Variants in COL4A6 observed in about 807,000 individuals in gnomAD.
COL4A6 encodes the protein collagen type IV alpha 6 chain, also known as collagen alpha-6(IV) chain.
COL4A6 carries 59 observed loss-of-function variants against 126.7 expected under a neutral mutation model. The observed-to-expected ratio is 0.47, with a 90% confidence interval of 0.38 to 0.58. The LOEUF (loss-of-function observed/expected upper bound fraction) is 0.58, where lower values mean the gene tolerates loss of function less well. Among genes scored for constraint, COL4A6 ranks in the 20% least tolerant of loss-of-function variants. The pLI is 0.00. For synonymous variants in COL4A6, 547 were observed against 496.6 expected (o/e 1.10, Z -1.35); for missense variants, 1,285 against 1,337.3 (o/e 0.96, Z 0.61).
chrX:108,195,010 GT>G, intron 15 of COL4A6, 71 bp downstream of exon 15: 1 of 839,382 alleles, frequency 1.2e-6, no homozygotes, highest in Non-Finnish European at 1.7e-6. Context: ...CTTTGGCCAT[GT>G]TAGGTAAAGC....
chrX:108,408,315 C>T (rs1247759477), intron 2 of COL4A6, among the ~76,000 whole-genome samples: 3 of 99,701 alleles, frequency 3.0e-5, no homozygotes, highest in Non-Finnish European at 4.0e-5. Flanking sequence ...AAAGCAAGAC[C>T]TTGTTTCAGA....
intron 3 of COL4A6, among the ~76,000 whole-genome samples, chrX:108,293,155 A>G (rs1010141194): frequency 1.8e-5 from 2 of 110,494 alleles, no homozygotes; most frequent in African/African-American, 6.6e-5. Flanking sequence ...GTATTATTAC[A>G]GTATAATGGT....
chrX:108,384,439 C>A (rs768167970), intron 2 of COL4A6, among the ~76,000 whole-genome samples: 1 of 112,454 alleles, frequency 8.9e-6, no homozygotes, highest in Non-Finnish European at 1.9e-5. Flanking sequence ...ACTGTTTTAT[C>A]TCAAACAATG....
intron 8 of COL4A6, 112 bp from the exon 9 acceptor site, chrX:108,206,692 TA>T (rs2035553474): frequency 1.5e-6 from 1 of 649,605 alleles, no homozygotes; most frequent in Admixed American, 2.3e-5. Flanking sequence ...ACTTTATTCA[TA>T]ATAGTCAAAA....
intron 2 of COL4A6, among the ~76,000 whole-genome samples, chrX:108,325,649 T>C (rs1188834855): frequency 9.0e-6 from 1 of 111,457 alleles, no homozygotes; most frequent in Non-Finnish European, 1.9e-5. Flanking sequence ...TTCAGGGATA[T>C]AGATACAAAA....
intron 2 of COL4A6, among the ~76,000 whole-genome samples, chrX:108,411,578 T>C (rs887334746): frequency 2.7e-5 from 3 of 111,937 alleles, no homozygotes; most frequent in African/African-American, 6.5e-5. Context: ...GGGCCAGAAG[T>C]TCCCCCCTAG....
chrX:108,260,420 C>T (rs975832456), intron 3 of COL4A6, among the ~76,000 whole-genome samples: 3 of 111,732 alleles, frequency 2.7e-5, no homozygotes, highest in Non-Finnish European at 3.8e-5. Context: ...ATAATTCCCT[C>T]GTGCTGTGGG....
At chrX:108,405,027 C>A (rs976905977) in intron 2 of COL4A6, among the ~76,000 whole-genome samples, 3 of 110,877 alleles carry the variant, frequency 2.7e-5, no homozygotes, top group Admixed American at 9.6e-5. Flanking sequence ...AAGAAACACA[C>A]AAACACAAAC....
At chrX:108,302,951 T>C (rs1261036735) in intron 3 of COL4A6, among the ~76,000 whole-genome samples, 1 of 111,044 alleles carries the variant, frequency 9.0e-6, no homozygotes, top group East Asian at 2.8e-4. Context: ...ATAGAAATTT[T>C]CATATTTTCT....
chrX:108,276,296 T>G (rs1182268550), intron 3 of COL4A6, among the ~76,000 whole-genome samples: 1 of 112,706 alleles, frequency 8.9e-6, no homozygotes, highest in African/African-American at 3.2e-5. Flanking sequence ...TCTGGCAAGT[T>G]AAGGCTGTTC....
chrX:108,332,546 A>T (rs1032774171), intron 2 of COL4A6, among the ~76,000 whole-genome samples: 1 of 111,836 alleles, frequency 8.9e-6, no homozygotes, highest in Non-Finnish European at 1.9e-5. Context: ...TAATAGCCAG[A>T]CTGCTGTAAG....
At chrX:108,191,244 G>A (rs2035030453) in intron 19 of COL4A6, 149 bp downstream of exon 19, 3 of 657,395 alleles carry the variant, frequency 4.6e-6, no homozygotes, top group Admixed American at 3.0e-5. Flanking sequence ...ACTCAGAGAC[G>A]ACGGGGCCTT....
At chrX:108,254,520 T>A (rs1226955684) in intron 3 of COL4A6, among the ~76,000 whole-genome samples, 1 of 111,474 alleles carries the variant, frequency 9.0e-6, no homozygotes, top group African/African-American at 3.3e-5. Flanking sequence ...TTTTTGTTTT[T>A]TGTTTTTTTT....
chrX:108,272,415 T>C (rs2037475485), intron 3 of COL4A6, among the ~76,000 whole-genome samples: 1 of 111,806 alleles, frequency 8.9e-6, no homozygotes, highest in African/African-American at 3.3e-5. Context: ...AGAACACTGA[T>C]TCTCACTTTT....
chrX:108,299,829 C>A (rs1471034835), intron 3 of COL4A6, among the ~76,000 whole-genome samples: 1 of 111,861 alleles, frequency 8.9e-6, no homozygotes, highest in African/African-American at 3.3e-5. Flanking sequence ...ACCGTAGGAG[C>A]CTGCCATGGT....
intron 2 of COL4A6, among the ~76,000 whole-genome samples, chrX:108,388,701 G>T (rs1303859848): frequency 9.0e-6 from 1 of 110,634 alleles, no homozygotes; most frequent in Non-Finnish European, 1.9e-5. Flanking sequence ...AGGGTTTTTC[G>T]TGTCTCTATC....
intron 2 of COL4A6, among the ~76,000 whole-genome samples, chrX:108,421,426 G>A (rs2063980685): frequency 8.9e-6 from 1 of 111,904 alleles, no homozygotes; most frequent in Non-Finnish European, 1.9e-5. Context: ...GGACAAGTGA[G>A]CCAAGAGTAA....
intron 20 of COL4A6, among the ~76,000 whole-genome samples, chrX:108,189,917 C>T (rs965561153): frequency 8.9e-6 from 1 of 112,231 alleles, no homozygotes; most frequent in Non-Finnish European, 1.9e-5. Context: ...TGAGCATCTT[C>T]CCCTCAGAGT....
chrX:108,391,913 A>G (rs964697306), intron 2 of COL4A6, among the ~76,000 whole-genome samples: 3 of 112,323 alleles, frequency 2.7e-5, no homozygotes, highest in Admixed American at 9.4e-5. Context: ...CGCCTTCTGC[A>G]TCAATCTTGC....
Sources: allele counts gnomAD v4.1 joint callset (sites outside exome capture counted in the v4.1 genomes callset), GRCh38; gene constraint gnomAD v4.1.1; transcripts MANE v1.5; gene names NCBI Gene and HGNC (gene_info 2026-07-23, HGNC 2026-07-21).